TASP1: variants seen among roughly 807,000 people sequenced by gnomAD.
TASP1 encodes taspase 1, also known as threonine aspartase 1.
In TASP1, 16 loss-of-function variants were observed where a neutral mutation model predicts 56.6. The observed-to-expected ratio is 0.28, with a 90% CI of 0.19 to 0.43. The LOEUF (loss-of-function observed/expected upper bound fraction) is 0.43, where lower values mean the gene tolerates loss of function less well. TASP1 is among the 20% of genes least tolerant of loss of function. The pLI, the probability that TASP1 is intolerant of heterozygous loss-of-function variation, is 1.00. For synonymous variants in TASP1, 179 were observed against 184.2 expected (o/e 0.97, Z 0.23); for missense variants, 393 against 511.6 (o/e 0.77, Z 2.24).
At chr20:13,263,245 C>T in the TASP1 span, among the ~76,000 whole-genome samples, 3 of 152,162 alleles carry the variant, frequency 2.0e-5, no homozygotes, top group Non-Finnish European at 4.4e-5. Context: ...GCTGGTCAGC[C>T]TTGTCATCTG....
At chr20:13,111,113 G>T in the TASP1 span, among the ~76,000 whole-genome samples, 1 of 151,982 alleles carries the variant, frequency 6.6e-6, no homozygotes, top group Admixed American at 6.6e-5. Context: ...ATAATAATAA[G>T]AAGCTTGGTT....
downstream of TASP1, among the ~76,000 whole-genome samples, chr20:13,388,128 A>C (rs2041177746): frequency 6.6e-6 from 1 of 152,240 alleles, no homozygotes; most frequent in African/African-American, 2.4e-5. Flanking sequence ...AAAAGCATCC[A>C]TGTTAAAAGT....
intron 13 of TASP1, among the ~76,000 whole-genome samples, chr20:13,398,774 A>G (rs2041635396): frequency 6.6e-6 from 1 of 152,174 alleles, no homozygotes; most frequent in Non-Finnish European, 1.5e-5. Context: ...ATATAAAGTG[A>G]AGCAGCTGGT....
chr20:13,484,599 T>C, intron 10 of TASP1, among the ~76,000 whole-genome samples: 1 of 151,786 alleles, frequency 6.6e-6, no homozygotes, highest in South Asian at 2.1e-4. Context: ...TAGCCAGGTG[T>C]AGTGGCAGGT....
At chr20:13,195,535 T>A in the TASP1 span, among the ~76,000 whole-genome samples, 1 of 152,196 alleles carries the variant, frequency 6.6e-6, no homozygotes, top group African/African-American at 2.4e-5. Flanking sequence ...TTTTCACAGA[T>A]CACAGAGTGG....
chr20:13,172,016 A>T, the TASP1 span, among the ~76,000 whole-genome samples: 1 of 152,086 alleles, frequency 6.6e-6, no homozygotes, highest in Admixed American at 6.5e-5. Context: ...AGAAGAAAAA[A>T]TCTTTGAATC....
intron 1 of TASP1, among the ~76,000 whole-genome samples, chr20:13,633,241 G>GTA (rs978260811): frequency 9.2e-5 from 14 of 152,218 alleles, no homozygotes; most frequent in African/African-American, 3.1e-4. Flanking sequence ...ATTTTTTAAG[G>GTA]TATGGTACAG....
the TASP1 span, among the ~76,000 whole-genome samples, chr20:13,341,815 A>G: frequency 1.3e-5 from 2 of 152,198 alleles, no homozygotes; most frequent in African/African-American, 2.4e-5. Flanking sequence ...ACGGAGGAAC[A>G]GCTGTTGGCT....
chr20:13,418,204 A>T (rs1292287440), intron 12 of TASP1, among the ~76,000 whole-genome samples: 1 of 152,126 alleles, frequency 6.6e-6, no homozygotes, highest in Non-Finnish European at 1.5e-5. Flanking sequence ...GAGCCACCGC[A>T]CCCAGCCCTT....
chr20:13,104,908 C>T, the TASP1 span, among the ~76,000 whole-genome samples: 1 of 150,762 alleles, frequency 6.6e-6, no homozygotes, highest in Non-Finnish European at 1.5e-5. Context: ...TTTTTTTCAT[C>T]TGCAAAAAAC....
At chr20:13,512,074 A>C (rs948478023) in intron 10 of TASP1, among the ~76,000 whole-genome samples, 2 of 152,108 alleles carry the variant, frequency 1.3e-5, no homozygotes, top group African/African-American at 4.8e-5. Flanking sequence ...ATACCTGTGC[A>C]TGTGTCTTTA....
intron 13 of TASP1, among the ~76,000 whole-genome samples, chr20:13,398,405 C>G (rs1453326071): frequency 2.0e-5 from 3 of 151,620 alleles, no homozygotes; most frequent in Non-Finnish European, 4.4e-5. Flanking sequence ...AGTGCGGGAG[C>G]ATGGGCAAAA....
At chr20:13,132,171 ATTTTTTT>A in the TASP1 span, among the ~76,000 whole-genome samples, 576 of 104,006 alleles carry the variant, frequency 5.5e-3, 3 homozygotes, top group African/African-American at 0.02. Flanking sequence ...CCTTGCTTTA[ATTTTTTT>A]TTTTTTTTTT....
chr20:13,576,236 A>C (rs2046904325), intron 6 of TASP1, among the ~76,000 whole-genome samples: 1 of 125,236 alleles, frequency 8.0e-6, no homozygotes, highest in South Asian at 3.1e-4. Flanking sequence ...AGGGGAGGGG[A>C]GCGGAGGGAA....
intron 8 of TASP1, among the ~76,000 whole-genome samples, chr20:13,539,409 GCATGGTGGCA>G (rs1234212211): frequency 6.6e-6 from 1 of 152,094 alleles, no homozygotes; most frequent in Non-Finnish European, 1.5e-5. Flanking sequence ...ACCCAGCCAG[GCATGGTGGCA>G]CACACCTGTA....
chr20:13,504,187 G>T (rs1485891040), intron 10 of TASP1, among the ~76,000 whole-genome samples: 1 of 151,872 alleles, frequency 6.6e-6, no homozygotes, highest in African/African-American at 2.4e-5. Context: ...TGCAAAGGGA[G>T]AAAATTTTAA....
At chr20:13,151,646 A>G in the TASP1 span, among the ~76,000 whole-genome samples, 74 of 152,346 alleles carry the variant, frequency 4.9e-4, no homozygotes, top group East Asian at 0.014. Context: ...TTCTCTGCAT[A>G]TACCATATTG....
chr20:13,393,012 G>C, intron 13 of TASP1: 1 of 581,958 alleles, frequency 1.7e-6, no homozygotes, highest in Admixed American at 2.1e-5. Flanking sequence ...CTCACTTGCA[G>C]CAGGGAGCCA....
At chr20:13,364,862 C>T in the TASP1 span, among the ~76,000 whole-genome samples, 2 of 152,300 alleles carry the variant, frequency 1.3e-5, no homozygotes, top group African/African-American at 4.8e-5. Flanking sequence ...TGCATGTGCA[C>T]TAGAACTTTC....
Sources: gnomAD v4.1 joint callset for allele counts (sites outside exome capture counted in the v4.1 genomes callset) on GRCh38, gnomAD v4.1.1 for gene constraint, MANE v1.5 for transcripts, NCBI Gene and HGNC (gene_info 2026-07-23, HGNC 2026-07-21) for gene names.